Variants in CEP85 observed in about 807,000 individuals in gnomAD.
CEP85 encodes the protein centrosomal protein of 85 kDa.
Under a neutral mutation model 93.7 loss-of-function variants are expected in CEP85, and 58 were observed. The observed-to-expected ratio is 0.62, with a 90% confidence interval of 0.50 to 0.77. CEP85 has a LOEUF of 0.77. CEP85 is among the 30% of genes least tolerant of loss of function. The probability of loss-of-function intolerance (pLI) is 0.00; values close to 1 mark genes in which losing one functional copy is unlikely to be tolerated. For missense variants in CEP85, 868 were observed against 922.0 expected (o/e 0.94, Z 0.76); for synonymous variants, 314 against 338.6 (o/e 0.93, Z 0.80).
chr1:26,257,598 T>A lies in CEP85; in HGVS notation c.905T>A (p.Leu302His). ...LIRLQMEQMQ[L>H]QNGAICHHPA... ...CATCTGGGCCTACTTGCCTTTCAGCTTCAGAATGGAGCCATCTGCCACCAT... is the reference window on the plus strand; with the variant it reads ...CATCTGGGCCTACTTGCCTTTCAGCATCAGAATGGAGCCATCTGCCACCAT... Residue 302 changes from leucine to histidine, a missense_variant and splice_region_variant, in exon 5 of 14, where the codon CTT becomes CAT. Coordinates refer to ENST00000451429, the MANE Select transcript of CEP85 (RefSeq NM_001319944.2). The A allele has an allele frequency of 6.2e-7, 1 of 1,614,134 alleles. No individual in the cohort carries two copies. The highest frequency in any genetic ancestry group is 1.1e-5 in the South Asian group (1 of 91,078).
chr1:26,264,742 CTT>C (rs1336155169), intron 7 of CEP85, among the ~76,000 whole-genome samples: 1 of 151,986 alleles, frequency 6.6e-6, no homozygotes, highest in Non-Finnish European at 1.5e-5. Context: ...GGCAGGAATG[CTT>C]TTTAGCCTTT....
At chr1:26,249,981 A>T (rs1557653144) in intron 3 of CEP85, among the ~76,000 whole-genome samples, 1 of 152,180 alleles carries the variant, frequency 6.6e-6, no homozygotes, top group Non-Finnish European at 1.5e-5. Flanking sequence ...GTGGGGCTCA[A>T]GTAATCCTCC....
At chr1:26,273,932 A>ATAAATAAAATAT (rs1553161624) in intron 11 of CEP85, among the ~76,000 whole-genome samples, 1 of 145,780 alleles carries the variant, frequency 6.9e-6, no homozygotes, top group African/African-American at 2.5e-5. Context: ...AAATAAATAA[A>ATAAATAAAATAT]ATATATATAT....
At chr1:26,268,429 G>A in intron 7 of CEP85, 54 bp from the exon 8 acceptor site, 1 of 1,598,712 alleles carries the variant, frequency 6.3e-7, no homozygotes, top group Non-Finnish European at 8.6e-7. Context: ...CTGCACTCCA[G>A]CAGGGTCATA....
intron 2 of CEP85, among the ~76,000 whole-genome samples, chr1:26,242,553 G>A (rs768080353): frequency 6.6e-6 from 1 of 152,172 alleles, no homozygotes; most frequent in Non-Finnish European, 1.5e-5. Flanking sequence ...TCAGTAGAAA[G>A]CCAAAGTAAG....
At chr1:26,274,891 C>G in intron 11 of CEP85, 73 bp from the exon 12 acceptor site, 1 of 1,222,844 alleles carries the variant, frequency 8.2e-7, no homozygotes, top group Non-Finnish European at 1.2e-6. Flanking sequence ...ATAGTCCAAG[C>G]CAGCGGTGAT....
intron 9 of CEP85, among the ~76,000 whole-genome samples, chr1:26,270,184 T>A (rs2089954026): frequency 6.6e-6 from 1 of 152,166 alleles, no homozygotes; most frequent in African/African-American, 2.4e-5. Flanking sequence ...TCTTAGTATG[T>A]ATGTGTTGAA....
intron 3 of CEP85, among the ~76,000 whole-genome samples, chr1:26,251,762 G>C (rs532075628): frequency 1.3e-5 from 2 of 152,248 alleles, no homozygotes; most frequent in South Asian, 4.1e-4. Context: ...AACTGAATTT[G>C]GTGAATCTAG....
chr1:26,269,651 T>G, intron 9 of CEP85, 37 bp downstream of exon 9: 1 of 1,574,592 alleles, frequency 6.4e-7, no homozygotes, highest in Middle Eastern at 1.7e-4. Context: ...AGTGGAGAGT[T>G]AAGTTTTTTG....
At chr1:26,235,567 C>CCT in intron 1 of CEP85, among the ~76,000 whole-genome samples, 1 of 95,584 alleles carries the variant, frequency 1.0e-5, no homozygotes, top group South Asian at 3.3e-4. Flanking sequence ...GATTGTAATT[C>CCT]TTTTTTTTTT....
Position 26,269,610 on chromosome 1 carries a change from C to T in CEP85, c.1645C>T (p.His549Tyr), listed in dbSNP as rs1314941232. 2.5e-6 allele frequency: 4 copies of T among 1,612,710 alleles called. No individual in the cohort carries two copies. Among genetic ancestry groups the T allele is most frequent in the Non-Finnish European group, 3.4e-6 (4 of 1,179,212 alleles). The change falls in exon 9 of 14, where the codon CAT (histidine) becomes TAT (tyrosine). Residue 549 changes from histidine (H) to tyrosine (Y), a missense_variant. Coordinates refer to ENST00000451429, the MANE Select transcript of CEP85 (RefSeq NM_001319944.2). ...QREAEFSSAG[H>Y]SLQDKQSVEE... is the part of the protein sequence containing the mutation. ...AGAAGCAGAATTCTCCTCCGCTGGACATAGGTAAATAACCCTGTGGGACTG... is the reference window on the plus strand; with the variant it reads ...AGAAGCAGAATTCTCCTCCGCTGGATATAGGTAAATAACCCTGTGGGACTG...
chr1:26,248,508 A>C (rs112670760), intron 3 of CEP85, among the ~76,000 whole-genome samples: 2 of 151,552 alleles, frequency 1.3e-5, no homozygotes, highest in Non-Finnish European at 2.9e-5. Flanking sequence ...ACTTCTTCTT[A>C]TTTTTTCGAG....
At chr1:26,269,424 G>A in intron 8 of CEP85, 36 bp from the exon 9 acceptor site, 2 of 1,604,200 alleles carry the variant, frequency 1.2e-6, no homozygotes, top group South Asian at 1.1e-5. Context: ...ATAACACTTG[G>A]CTTATTTGAC....
intron 13 of CEP85, 21 bp downstream of exon 13, chr1:26,276,781 G>T (rs749058627): frequency 6.3e-7 from 1 of 1,589,252 alleles, no homozygotes; most frequent in Non-Finnish European, 8.6e-7. Context: ...AGACCAGTCT[G>T]GGGCCCAGGA....
chr1:26,255,052 T>C, intron 3 of CEP85, 119 bp from the exon 4 acceptor site: 1 of 791,728 alleles, frequency 1.3e-6, no homozygotes, highest in South Asian at 1.7e-5. Flanking sequence ...CTGATACTTT[T>C]GATGATGGTG....
chr1:26,236,365 T>C (rs2089326405), intron 1 of CEP85, among the ~76,000 whole-genome samples: 1 of 152,054 alleles, frequency 6.6e-6, no homozygotes, highest in South Asian at 2.1e-4. Flanking sequence ...TTAAAGGGCT[T>C]TGAAGATGGA....
At chr1:26,277,029 G>T in intron 13 of CEP85, 107 bp from the exon 14 acceptor site, 1 of 1,197,466 alleles carries the variant, frequency 8.4e-7, no homozygotes, top group Admixed American at 2.1e-5. Context: ...TTTTTAAAGT[G>T]CATGTCCCAA....
intron 7 of CEP85, among the ~76,000 whole-genome samples, chr1:26,267,227 C>T (rs577829327): frequency 6.6e-6 from 1 of 152,276 alleles, no homozygotes; most frequent in Non-Finnish European, 1.5e-5. Context: ...ACTCACAGAA[C>T]TTAGGAAAGT....
At chr1:26,272,417 TAGG>T (rs918371970) in intron 11 of CEP85, 6 of 278,016 alleles carry the variant, frequency 2.2e-5, no homozygotes, top group South Asian at 1.3e-4. Flanking sequence ...GGATTCCAGA[TAGG>T]AGGAACAGCA....
Sources: allele counts gnomAD v4.1 joint callset (sites outside exome capture counted in the v4.1 genomes callset), GRCh38; gene constraint gnomAD v4.1.1; transcripts MANE v1.5; gene names NCBI Gene and HGNC (gene_info 2026-07-23, HGNC 2026-07-21).